The following ZNF510 variants were observed in gnomAD, a reference collection of about 807,000 sequenced individuals.
ZNF510 encodes the protein zinc finger protein 510.
A neutral mutation model predicts 18.1 loss-of-function variants in ZNF510; 15 were observed. The ratio of observed to expected loss-of-function variants is 0.83; its 90% CI spans 0.55 to 1.28. ZNF510 has a LOEUF of 1.28. ZNF510 is among the 50% of genes most tolerant of loss of function. The probability of loss-of-function intolerance (pLI) is 0.00; values close to 1 mark genes in which losing one functional copy is unlikely to be tolerated. For synonymous variants in ZNF510, 261 were observed against 266.4 expected (o/e 0.98, Z 0.20); for missense variants, 724 against 791.8 (o/e 0.91, Z 1.03).
At position 96,758,668 on chromosome 9, in the gene ZNF510, T is replaced by G. The variant is rs533576263; in HGVS notation, c.*110A>C. 1.8e-6 allele frequency: 2 copies of G among 1,122,870 alleles called. No homozygotes were observed. Among genetic ancestry groups the G allele is most frequent in the East Asian group, 2.4e-5 (1 of 40,970 alleles). The allele number at this position is 1,122,870 out of a possible 1,614,324, so 69.6% of individuals were successfully genotyped here. A position where few individuals can be genotyped will look rare whatever the true frequency, so the allele number is the denominator to read the frequency against. The stretch of plus-strand genomic sequence containing the variant: ...TGAATTCTCTGATTCACAGTGAGGG[T>G]TTACTTCTGGGACTGTCTTCTTACA... On this transcript the variant is annotated 3_prime_UTR_variant, in exon 6 of 6. Transcript: ENST00000223428.
intron 1 of ZNF510, among the ~76,000 whole-genome samples, chr9:96,777,393 T>C (rs984583444): frequency 3.3e-5 from 5 of 152,216 alleles, no homozygotes; most frequent in Non-Finnish European, 5.9e-5. Flanking sequence ...TCTCTCATCC[T>C]TTGTGAGCTT....
At position 96,758,680 on chromosome 9, in the gene ZNF510, A is replaced by G; in HGVS notation, c.*98T>C. 8.1e-7 allele frequency: 1 copy of G among 1,231,610 alleles called. No homozygotes were observed. The highest frequency in any genetic ancestry group is 1.1e-6 in the Non-Finnish European group (1 of 894,540). The allele number at this position is 1,231,610 out of a possible 1,614,324, so 76.3% of individuals were successfully genotyped here. ...TTCACAGTGAGGGTTTACTTCTGGG[A>G]CTGTCTTCTTACATTCACTACCCTC... On this transcript the variant is annotated 3_prime_UTR_variant, in exon 6 of 6. Transcript: ENST00000223428.
Position 96,775,997 on chromosome 9 carries a change from TA to T in ZNF510, c.70+2del. ...TCACCCACGCCTCTCAACCCCAGCT[TA>T]CCACCTTCTGCAAGTTGGCCCACAG... is the stretch of plus-strand genomic sequence containing the variant. On this transcript the variant is annotated splice_donor_variant, in intron 2 of 5. Transcript: ENST00000223428. LOFTEE classifies it high-confidence loss of function. 1 of 1,607,492 alleles carries T rather than the reference TA, an allele frequency of 6.2e-7. No individual in the cohort carries two copies. Among genetic ancestry groups the T allele is most frequent in the Non-Finnish European group, 8.5e-7 (1 of 1,176,886 alleles).
In ZNF510 at chr9:96,760,229, T is replaced by C. The variant is rs1849312654; in HGVS notation, c.601A>G (p.Ile201Val). The C allele has an allele frequency of 6.2e-7, 1 of 1,612,844 alleles. No individual in the cohort carries two copies. Among genetic ancestry groups the C allele is most frequent in the Non-Finnish European group, 8.5e-7 (1 of 1,179,608 alleles). ...INNRNYSTKKIGCGNVCENSP... is the reference protein window; with the variant it reads ...INNRNYSTKKVGCGNVCENSP... ...TTCTCACATACATTACCGCAACCTA[T>C]TTTCTTTGTTGAATAGTTTCTATTA... The change falls in exon 6 of 6, where the codon ATA becomes GTA. Residue 201 changes from isoleucine to valine, a missense_variant. Coordinates refer to ENST00000223428, the MANE Select transcript of ZNF510 (RefSeq NM_014930.3).
At chr9:96,770,762 A>G (rs1237555563) in intron 3 of ZNF510, among the ~76,000 whole-genome samples, 1 of 149,876 alleles carries the variant, frequency 6.7e-6, no homozygotes, top group East Asian at 1.9e-4. Context: ...GGGGGATGAT[A>G]GCTAAATGAT....
At chr9:96,775,574 G>C (rs753959450) in intron 2 of ZNF510, among the ~76,000 whole-genome samples, 1 of 152,062 alleles carries the variant, frequency 6.6e-6, no homozygotes, top group Non-Finnish European at 1.5e-5. Context: ...AAAGACTTTC[G>C]ATAAGACACT....
rs180783291 is a variant in ZNF510, at chr9:96,760,739, G to A, written c.353-262C>T. Among the ~76,000 whole-genome samples the A allele has an allele frequency of 6.7e-3, 1,015 of 151,136 alleles. 10 individuals carry two copies. The highest frequency in any genetic ancestry group is 0.014 in the Middle Eastern group (4 of 294). On this transcript the variant is annotated intron_variant, in intron 5 of 5. Coordinates refer to ENST00000223428, the MANE Select transcript of ZNF510 (RefSeq NM_014930.3). ...GATTTTCCTAACTGGATAGATAGAG[G>A]AAAGAAAATAAAATAAAACTAAGCG...
At chr9:96,776,286 C>T (rs555780800) in intron 1 of ZNF510, 41 bp from the exon 2 acceptor site, 40 of 813,058 alleles carry the variant, frequency 4.9e-5, no homozygotes, top group Middle Eastern at 4.0e-4. Context: ...GAAGCTGGGG[C>T]TGATGCCTGG....
chr9:96,760,490 T>C lies in ZNF510; in HGVS notation c.353-13A>G, dbSNP rs140148900. The stretch of plus-strand genomic sequence containing the variant: ...CCTCTGTAATCTTCTAAAACAGAAA[T>C]ATTGAAAACATCTTATGACTCTTAC... On this transcript the variant is annotated splice_polypyrimidine_tract_variant and intron_variant, in intron 5 of 5. Coordinates refer to ENST00000223428, the MANE Select transcript of ZNF510 (RefSeq NM_014930.3). 6.4e-7 allele frequency: 1 copy of C among 1,572,854 alleles called. No homozygotes were observed. The highest frequency in any genetic ancestry group is 1.4e-5 in the African/African-American group (1 of 73,346).
chr9:96,762,881 G>T, intron 5 of ZNF510: 1 of 337,446 alleles, frequency 3.0e-6, no homozygotes, highest in Admixed American at 4.2e-5. Flanking sequence ...TAAGTTATTT[G>T]CACTACATAC....
chr9:96,760,324 G>C lies in ZNF510; in HGVS notation c.506C>G (p.Ser169Ter). 6.2e-7 allele frequency: 1 copy of C among 1,613,790 alleles called. No individual in the cohort carries two copies. The highest frequency in any genetic ancestry group is 8.5e-7 in the Non-Finnish European group (1 of 1,179,850). ...PFTLHVAAVA[S>*]TKMSCKCNSW... ...GTTGCATTTGCAGGACATTTTTGTT[G>C]AAGCAACAGCAGCTACATGCAGAGT... is the stretch of plus-strand genomic sequence containing the variant. The change falls in exon 6 of 6, where the codon TCA (serine) becomes TGA (stop). Residue 169 changes from serine (S) to a stop codon, truncating the protein, a stop_gained. Transcript: ENST00000223428. LOFTEE classifies it low-confidence loss of function (END_TRUNC).
At chr9:96,763,926 T>C (rs191649384) in intron 3 of ZNF510, among the ~76,000 whole-genome samples, 6 of 152,100 alleles carry the variant, frequency 3.9e-5, no homozygotes, top group African/African-American at 1.4e-4. Flanking sequence ...CAAGGCCCTG[T>C]CTCTACAAAA....
chr9:96,754,825 T>C lies in ZNF510; in HGVS notation c.*3953A>G, dbSNP rs1050087863. 1.3e-5 allele frequency among the ~76,000 whole-genome samples: 2 copies of C among 152,248 alleles called. No homozygotes were observed. Among genetic ancestry groups the C allele is most frequent in the African/African-American group, 4.8e-5 (2 of 41,470 alleles). On this transcript the variant is annotated 3_prime_UTR_variant, in exon 6 of 6. Transcript: ENST00000223428. ...CCTAATACGAAGAGGGACTGCTTCA[T>C]GTGTTTGAGATACACTGTGAATAAA... is the stretch of plus-strand genomic sequence containing the variant.
rs1019256213 is a variant in ZNF510 at position 96,756,024 on chromosome 9, C to G, written c.*2754G>C. On this transcript the variant is annotated 3_prime_UTR_variant, in exon 6 of 6. Transcript: ENST00000223428. ...CAATCTGGATGGAGAAAGCTGTCGG[C>G]AGCTTGATTCCAGTCAGTCTTATCA... The G allele has an allele frequency of 2.0e-5, 3 of 152,132 alleles. No homozygotes were observed. The highest frequency in any genetic ancestry group is 7.2e-5 in the African/African-American group (3 of 41,432). 9.4% of individuals were successfully genotyped at this position (152,132 alleles called of 1,614,324 possible).
intron 3 of ZNF510, among the ~76,000 whole-genome samples, chr9:96,767,810 A>G (rs1849507345): frequency 6.6e-6 from 1 of 152,182 alleles, no homozygotes; most frequent in African/African-American, 2.4e-5. Context: ...ATTTAAAGAA[A>G]AACTAACACC....
At chr9:96,777,534 TGCTTAGTAACTAGC>T (rs1265413739) in intron 1 of ZNF510, 2 of 152,228 alleles carry the variant, frequency 1.3e-5, no homozygotes, top group African/African-American at 4.8e-5. Context: ...ATTTACATGC[TGCTTAGTAACTAGC>T]GCTTAGCTAA....
chr9:96,771,792 C>T (rs1849590546), intron 3 of ZNF510, among the ~76,000 whole-genome samples: 1 of 151,798 alleles, frequency 6.6e-6, no homozygotes, highest in African/African-American at 2.4e-5. Context: ...CTAAAAAAAT[C>T]CATCGTATTT....
chr9:96,759,273 A>AT lies in ZNF510; in HGVS notation c.1556dup (p.Asn519LysfsTer29). The AT allele has an allele frequency of 1.2e-6, 2 of 1,614,034 alleles. No individual in the cohort carries two copies. The highest frequency in any genetic ancestry group is 1.7e-6 in the Non-Finnish European group (2 of 1,179,988). On this transcript the variant is annotated frameshift_variant, in exon 6 of 6. Coordinates refer to ENST00000223428, the MANE Select transcript of ZNF510 (RefSeq NM_014930.3). LOFTEE classifies it low-confidence loss of function (END_TRUNC). ...TCTGGCCAAATGTTTTTCCACATTG[A>AT]TTGCATTGAAAGGATTTCTCCCCTG...
rs1849233894 is a variant in ZNF510 at position 96,757,915 on chromosome 9, G to A, written c.*863C>T. ...ATGTCAAGTAAGTGACTAACTGGCA[G>A]ATAGTGTATACACTGTGGATATGCT... is the stretch of plus-strand genomic sequence containing the variant. On this transcript the variant is annotated 3_prime_UTR_variant, in exon 6 of 6. Coordinates refer to ENST00000223428, the MANE Select transcript of ZNF510 (RefSeq NM_014930.3). 6.6e-6 allele frequency: 1 copy of A among 152,066 alleles called. No individual in the cohort carries two copies. Among genetic ancestry groups the A allele is most frequent in the African/African-American group, 2.4e-5 (1 of 41,462 alleles). 9.4% of individuals were successfully genotyped at this position (152,066 alleles called of 1,614,324 possible).
Sources: allele counts gnomAD v4.1 joint callset (sites outside exome capture counted in the v4.1 genomes callset), GRCh38; gene constraint gnomAD v4.1.1; transcripts MANE v1.5; gene names NCBI Gene and HGNC (gene_info 2026-07-23, HGNC 2026-07-21).